DCC: variants seen among roughly 807,000 people sequenced by gnomAD.
The protein encoded by DCC is netrin receptor DCC.
A neutral mutation model predicts 172.5 loss-of-function variants in DCC; 58 were observed. The ratio of observed to expected loss-of-function variants is 0.34; its 90% confidence interval spans 0.27 to 0.42. The LOEUF is 0.42. Ranked by LOEUF, DCC falls within the 10% of genes least tolerant of loss-of-function variation. The pLI, the probability that DCC is intolerant of heterozygous loss-of-function variation, is 1.00. For synonymous variants in DCC, 709 were observed against 644.5 expected (o/e 1.10, Z -1.52); for missense variants, 1,740 against 1,791.0 (o/e 0.97, Z 0.51).
intron 1 of DCC, among the ~76,000 whole-genome samples, chr18:52,541,954 T>A (rs2032473614): frequency 6.9e-6 from 1 of 145,398 alleles, no homozygotes; most frequent in East Asian, 2.0e-4. Flanking sequence ...CTATATAAAA[T>A]ATATACACTA....
chr18:53,459,783 G>A (rs1030425047), intron 24 of DCC, among the ~76,000 whole-genome samples: 1 of 152,062 alleles, frequency 6.6e-6, no homozygotes, highest in Non-Finnish European at 1.5e-5. Context: ...TTAAACAAAT[G>A]TTTTGTCAAG....
chr18:53,292,110 T>TCCC (rs1166233379), intron 12 of DCC, among the ~76,000 whole-genome samples: 2 of 89,152 alleles, frequency 2.2e-5, no homozygotes, highest in Admixed American at 1.6e-4. Context: ...TTCTTTGAGC[T>TCCC]CCACCCCCCC....
intron 2 of DCC, among the ~76,000 whole-genome samples, chr18:52,789,272 G>A (rs1351701942): frequency 6.6e-6 from 1 of 152,126 alleles, no homozygotes; most frequent in Non-Finnish European, 1.5e-5. Flanking sequence ...TCTCAAAAGA[G>A]AGTTTGTGGT....
At chr18:53,424,912 G>T (rs1287450712) in intron 21 of DCC, among the ~76,000 whole-genome samples, 1 of 152,012 alleles carries the variant, frequency 6.6e-6, no homozygotes, top group Non-Finnish European at 1.5e-5. Flanking sequence ...GCTAGCTATT[G>T]TCTACACTGG....
chr18:52,449,831 C>T (rs1042719810), intron 1 of DCC, among the ~76,000 whole-genome samples: 6 of 152,130 alleles, frequency 3.9e-5, no homozygotes, highest in South Asian at 2.1e-4. Context: ...CCTGCACATG[C>T]GCTCTTACCT....
At chr18:53,018,876 C>A (rs977326917) in intron 5 of DCC, among the ~76,000 whole-genome samples, 22 of 152,092 alleles carry the variant, frequency 1.4e-4, no homozygotes, top group Non-Finnish European at 2.6e-4. Context: ...TGTTTTATAC[C>A]AAAATCATGA....
chr18:52,484,792 T>C (rs1262347663), intron 1 of DCC, among the ~76,000 whole-genome samples: 1 of 151,316 alleles, frequency 6.6e-6, no homozygotes, highest in Non-Finnish European at 1.5e-5. Context: ...CTCCCAGAAC[T>C]TATAGTAAAA....
intron 13 of DCC, among the ~76,000 whole-genome samples, chr18:53,312,717 G>A (rs1478392049): frequency 7.0e-6 from 1 of 143,456 alleles, no homozygotes; most frequent in Admixed American, 7.5e-5. Flanking sequence ...GCTGAGGCGG[G>A]AGAATGGCTT....
chr18:53,099,953 TTTTTTTTG>T (rs1263963398), intron 7 of DCC, among the ~76,000 whole-genome samples: 1 of 131,624 alleles, frequency 7.6e-6, no homozygotes. Flanking sequence ...CTTTTTTTTT[TTTTTTTTG>T]TTTGAGACAG....
At chr18:53,087,357 G>A (rs2042930026) in intron 7 of DCC, among the ~76,000 whole-genome samples, 1 of 151,610 alleles carries the variant, frequency 6.6e-6, no homozygotes, top group African/African-American at 2.4e-5. Flanking sequence ...GGCCAGTGAT[G>A]GTGAGCACCT....
At chr18:53,356,575 A>G (rs748662974) in intron 15 of DCC, among the ~76,000 whole-genome samples, 18 of 152,146 alleles carry the variant, frequency 1.2e-4, no homozygotes, top group Non-Finnish European at 2.1e-4. Context: ...CCAAATTTCT[A>G]TGAGTTACAT....
Position 52,821,795 on chromosome 18 carries a change from C to T in DCC, c.412+69421C>T, listed in dbSNP as rs531296555. ...AAGAGCAAGTTCTGTTTTGTATACT[C>T]CTTGGTCTTGTATCTTGTTTTGTAT... On this transcript the variant is annotated intron_variant, in intron 2 of 28. Transcript: ENST00000442544. Among the ~76,000 whole-genome samples the T allele has an allele frequency of 3.9e-5, 6 of 152,326 alleles. No individual in the cohort carries two copies. The East Asian group carries it at 9.6e-4, about 24-fold the overall frequency.
chr18:53,149,511 A>G (rs1290995316), intron 7 of DCC, among the ~76,000 whole-genome samples: 4 of 152,216 alleles, frequency 2.6e-5, no homozygotes, highest in Non-Finnish European at 2.9e-5. Flanking sequence ...ATTTATTTAC[A>G]TACATGATGC....
intron 2 of DCC, among the ~76,000 whole-genome samples, chr18:52,789,621 C>A (rs868751618): frequency 6.6e-6 from 1 of 152,256 alleles, no homozygotes; most frequent in Middle Eastern, 3.4e-3. Context: ...AACCAACAAG[C>A]CTGAGTTAGT....
chr18:53,464,702 C>T (rs979798284), intron 24 of DCC, among the ~76,000 whole-genome samples: 15 of 151,616 alleles, frequency 9.9e-5, no homozygotes, highest in African/African-American at 3.4e-4. Context: ...ATGTTACCAC[C>T]GGGAGCTGTG....
At chr18:52,384,173 C>A (rs895090021) in intron 1 of DCC, among the ~76,000 whole-genome samples, 1 of 152,156 alleles carries the variant, frequency 6.6e-6, no homozygotes, top group Middle Eastern at 3.4e-3. Context: ...CAGCCCAACA[C>A]TGGGCACTCA....
intron 12 of DCC, among the ~76,000 whole-genome samples, chr18:53,241,635 G>A (rs1394349927): frequency 6.6e-6 from 1 of 152,174 alleles, no homozygotes; most frequent in Non-Finnish European, 1.5e-5. Flanking sequence ...ACCTCTGCTT[G>A]AAGGCCCAGA....
At chr18:52,550,153 G>A (rs892404438) in intron 1 of DCC, among the ~76,000 whole-genome samples, 3 of 151,596 alleles carry the variant, frequency 2.0e-5, no homozygotes, top group Non-Finnish European at 4.4e-5. Context: ...AAAAAACATC[G>A]CCCAAACATA....
At chr18:52,728,648 G>A (rs555907762) in intron 1 of DCC, among the ~76,000 whole-genome samples, 2 of 152,316 alleles carry the variant, frequency 1.3e-5, no homozygotes, top group Non-Finnish European at 2.9e-5. Flanking sequence ...GTCTCTGGAT[G>A]TAGAGAATTA....
Sources: gnomAD v4.1 joint callset for allele counts (sites outside exome capture counted in the v4.1 genomes callset) on GRCh38, gnomAD v4.1.1 for gene constraint, MANE v1.5 for transcripts, NCBI Gene and HGNC (gene_info 2026-07-23, HGNC 2026-07-21) for gene names.